Variants in OLFML2B observed in about 807,000 individuals in gnomAD.
OLFML2B encodes olfactomedin-like protein 2B.
A neutral mutation model predicts 74.9 loss-of-function variants in OLFML2B; 57 were observed. The ratio of observed to expected loss-of-function variants is 0.76; its 90% confidence interval spans 0.61 to 0.95. The LOEUF is 0.95. Among genes scored for constraint, OLFML2B ranks in the 40% least tolerant of loss-of-function variants. OLFML2B has a pLI of 0.00. For synonymous variants in OLFML2B, 388 were observed against 405.8 expected, an observed-to-expected ratio of 0.96 and a Z score of 0.53; for missense variants, 986 against 970.6, an observed-to-expected ratio of 1.02 and a Z score of -0.21.
At chr1:161,996,923 C>T (rs771136206) in intron 6 of OLFML2B, among the ~76,000 whole-genome samples, 2 of 152,242 alleles carry the variant, frequency 1.3e-5, no homozygotes, top group African/African-American at 2.4e-5. Flanking sequence ...TTTGGGAGGC[C>T]GAGGTGGGGG....
chr1:161,988,512 G>GT lies in OLFML2B; in HGVS notation c.1475-3533dup, dbSNP rs1307310957. ...GTCCTCTTATTCTAGTCAAGCCTCTGTTTTTTGCTTGGAAACTGAGGTAGC... is the reference window on the plus strand; with the variant it reads ...GTCCTCTTATTCTAGTCAAGCCTCTGTTTTTTTGCTTGGAAACTGAGGTAGC... On this transcript the variant is annotated intron_variant, in intron 6 of 7. Coordinates refer to ENST00000294794, the MANE Select transcript of OLFML2B (RefSeq NM_015441.3). Among the ~76,000 whole-genome samples the GT allele has an allele frequency of 1.3e-5, 2 of 151,874 alleles. 1 individual carries two copies. Among genetic ancestry groups the GT allele is most frequent in the South Asian group, 4.2e-4 (2 of 4,800 alleles).
intron 6 of OLFML2B, among the ~76,000 whole-genome samples, chr1:161,994,672 C>T (rs1689838245): frequency 6.6e-6 from 1 of 152,232 alleles, no homozygotes; most frequent in African/African-American, 2.4e-5. Context: ...ACCAATCCTA[C>T]CCAAACCCCA....
chr1:161,985,838 G>A (rs989130476), intron 6 of OLFML2B, among the ~76,000 whole-genome samples: 5 of 152,170 alleles, frequency 3.3e-5, no homozygotes, highest in East Asian at 1.9e-4. Context: ...AGATCAAGTC[G>A]GCCACGATGG....
intron 1 of OLFML2B, among the ~76,000 whole-genome samples, chr1:162,021,904 TG>T (rs1186362084): frequency 6.6e-6 from 1 of 152,030 alleles, no homozygotes; most frequent in Non-Finnish European, 1.5e-5. Context: ...TAGGGGTCAG[TG>T]GGAGGTAATG....
At chr1:161,994,439 C>G (rs1480036837) in intron 6 of OLFML2B, among the ~76,000 whole-genome samples, 2 of 152,248 alleles carry the variant, frequency 1.3e-5, no homozygotes, top group Non-Finnish European at 2.9e-5. Flanking sequence ...GAGCCAGGCT[C>G]TCTCTGGTAT....
chr1:162,021,831 G>A (rs1300019929), intron 1 of OLFML2B, among the ~76,000 whole-genome samples: 1 of 150,550 alleles, frequency 6.6e-6, no homozygotes, highest in Non-Finnish European at 1.5e-5. Context: ...TCGGGTTTCA[G>A]GAAAGTTTTT....
chr1:162,008,093 C>T (rs1328264074), intron 3 of OLFML2B, among the ~76,000 whole-genome samples: 1 of 152,068 alleles, frequency 6.6e-6, no homozygotes, highest in East Asian at 1.9e-4. Flanking sequence ...TGAAGGAAAC[C>T]GGTTCATCCT....
chr1:162,019,185 G>A (rs1338836495), intron 2 of OLFML2B, among the ~76,000 whole-genome samples: 1 of 152,250 alleles, frequency 6.6e-6, no homozygotes, highest in Non-Finnish European at 1.5e-5. Context: ...CTAGCTGAAT[G>A]TCTGGTATCG....
intron 3 of OLFML2B, among the ~76,000 whole-genome samples, chr1:162,016,312 A>G (rs551649840): frequency 6.6e-6 from 1 of 152,350 alleles, no homozygotes; most frequent in East Asian, 1.9e-4. Context: ...AGAAGGTAGG[A>G]CATGGCTGCT....
intron 1 of OLFML2B, among the ~76,000 whole-genome samples, chr1:162,020,907 CATTT>C (rs1336383714): frequency 6.6e-6 from 1 of 152,194 alleles, no homozygotes; most frequent in African/African-American, 2.4e-5. Flanking sequence ...ATCTCTCATT[CATTT>C]ATTCAACATT....
chr1:162,015,124 T>C (rs1432478952), intron 3 of OLFML2B, among the ~76,000 whole-genome samples: 2 of 152,174 alleles, frequency 1.3e-5, no homozygotes, highest in African/African-American at 4.8e-5. Context: ...GCTATACAAA[T>C]GTAAGGGATT....
intron 2 of OLFML2B, among the ~76,000 whole-genome samples, 174 bp from the exon 3 acceptor site, chr1:162,017,681 A>G (rs1690582877): frequency 6.6e-6 from 1 of 152,258 alleles, no homozygotes; most frequent in African/African-American, 2.4e-5. Context: ...ACAATGGTGT[A>G]TGTGCATTCT....
rs1408784782 is a variant in OLFML2B at position 162,007,176 on chromosome 1, G to C, written c.547-703C>G. 2.6e-5 allele frequency among the ~76,000 whole-genome samples: 4 copies of C among 152,342 alleles called. No individual in the cohort carries two copies. The East Asian group carries it at 7.7e-4, about 29-fold the overall frequency. On this transcript the variant is annotated intron_variant, in intron 3 of 7. Transcript: ENST00000294794. ...CAACCAACACTGGTGAGTACCTCTT[G>C]AGTGTCTAAGTGTAGTGCTACAGAA...
intron 7 of OLFML2B, 85 bp downstream of exon 7, chr1:161,984,719 T>C (rs1175744975): frequency 7.1e-7 from 1 of 1,400,676 alleles, no homozygotes; most frequent in East Asian, 2.3e-5. Context: ...TATCCGTCAT[T>C]ACCACCCAAA....
intron 6 of OLFML2B, among the ~76,000 whole-genome samples, chr1:161,993,392 C>G (rs575374492): frequency 6.6e-6 from 1 of 152,262 alleles, no homozygotes; most frequent in South Asian, 2.1e-4. Flanking sequence ...CACCACCCTG[C>G]GTTGAAGTCA....
intron 6 of OLFML2B, 112 bp downstream of exon 6, chr1:161,997,713 T>G: frequency 8.7e-7 from 1 of 1,144,786 alleles, no homozygotes; most frequent in Non-Finnish European, 1.2e-6. Context: ...CACTTGCCAT[T>G]CCCATAAAGA....
intron 6 of OLFML2B, among the ~76,000 whole-genome samples, chr1:161,992,199 C>T (rs1049144881): frequency 6.6e-6 from 1 of 152,248 alleles, no homozygotes; most frequent in Non-Finnish European, 1.5e-5. Flanking sequence ...CAACTTCTTT[C>T]TCTAAATCTC....
intron 3 of OLFML2B, among the ~76,000 whole-genome samples, chr1:162,012,931 TA>T (rs1377166137): frequency 6.6e-6 from 1 of 152,198 alleles, no homozygotes; most frequent in African/African-American, 2.4e-5. Context: ...ACTTTAGTAA[TA>T]AATCTGCCCC....
intron 4 of OLFML2B, among the ~76,000 whole-genome samples, chr1:162,001,983 T>G (rs555654065): frequency 2.0e-5 from 3 of 152,342 alleles, no homozygotes; most frequent in African/African-American, 7.2e-5. Context: ...GATGGACCAC[T>G]CTGTCCTCCA....
Sources: gnomAD v4.1 joint callset for allele counts (sites outside exome capture counted in the v4.1 genomes callset) on GRCh38, gnomAD v4.1.1 for gene constraint, MANE v1.5 for transcripts, NCBI Gene and HGNC (gene_info 2026-07-23, HGNC 2026-07-21) for gene names.